Variants in ERBB4 observed in about 807,000 individuals in gnomAD.
ERBB4 encodes the protein receptor tyrosine-protein kinase erbB-4.
In ERBB4, 42 loss-of-function variants were observed where a neutral mutation model predicts 158.0. The ratio of observed to expected loss-of-function variants is 0.27; its 90% confidence interval spans 0.21 to 0.34. The LOEUF (loss-of-function observed/expected upper bound fraction) is 0.34, where lower values mean the gene tolerates loss of function less well. Ranked by LOEUF, ERBB4 falls within the 10% of genes least tolerant of loss-of-function variation. The pLI is 1.00. For missense variants in ERBB4, 1,333 were observed against 1,624.1 expected, an observed-to-expected ratio of 0.82 and a Z score of 3.08; for synonymous variants, 583 against 558.7, an observed-to-expected ratio of 1.04 and a Z score of -0.61.
intron 1 of ERBB4, among the ~76,000 whole-genome samples, chr2:212,127,638 G>T (rs1319297313): frequency 6.6e-6 from 1 of 152,078 alleles, no homozygotes. Flanking sequence ...TTTTGAATCA[G>T]CTATTGTTAG....
intron 3 of ERBB4, among the ~76,000 whole-genome samples, chr2:211,894,440 T>C (rs1482298032): frequency 9.3e-5 from 13 of 139,662 alleles, no homozygotes; most frequent in Admixed American, 1.4e-4. Context: ...AGGGATAGCA[T>C]TGGGAGATAT....
chr2:212,305,994 T>C (rs573102578), intron 1 of ERBB4, among the ~76,000 whole-genome samples: 10 of 151,460 alleles, frequency 6.6e-5, no homozygotes, highest in Non-Finnish European at 1.3e-4. Flanking sequence ...CTGCTAAACA[T>C]GTGAAATATT....
intron 1 of ERBB4, among the ~76,000 whole-genome samples, chr2:212,259,370 G>A (rs2084851341): frequency 6.6e-6 from 1 of 151,966 alleles, no homozygotes; most frequent in Admixed American, 6.6e-5. Flanking sequence ...GAAATTCCAG[G>A]TAAAGCCCAT....
intron 3 of ERBB4, among the ~76,000 whole-genome samples, chr2:211,911,585 T>G (rs895963242): frequency 1.3e-5 from 2 of 152,164 alleles, no homozygotes; most frequent in Admixed American, 1.3e-4. Context: ...CAATTTAGCG[T>G]ATCAATATTT....
chr2:212,062,419 TTTTTTTTTTTTTTTTTTG>T (rs2077806309), intron 2 of ERBB4, among the ~76,000 whole-genome samples: 3 of 86,696 alleles, frequency 3.5e-5, no homozygotes, highest in African/African-American at 1.2e-4. Flanking sequence ...TTTTTTTTTT[TTTTTTTTTTTTTTTTTTG>T]AGATGGAGTC....
chr2:211,867,744 T>G (rs2078245377), intron 3 of ERBB4, among the ~76,000 whole-genome samples: 1 of 152,180 alleles, frequency 6.6e-6, no homozygotes, highest in Non-Finnish European at 1.5e-5. Flanking sequence ...ATTTTATTTT[T>G]ATCAAATCAG....
rs756535963 is a variant in ERBB4 at position 211,772,267 on chromosome 2, T to C, written c.556+15758A>G. Among the ~76,000 whole-genome samples, 160 of 152,226 alleles carry C rather than the reference T, an allele frequency of 1.1e-3. 1 individual carries two copies. Among genetic ancestry groups the C allele is most frequent in the Non-Finnish European group, 2.0e-3 (137 of 68,018 alleles). ...TTTTCCCCTATTTTTGGAGAGTAGT[T>C]ATTAAATATTTATCAGCACGGCACT... On this transcript the variant is annotated intron_variant, in intron 4 of 27. Coordinates refer to ENST00000342788, the MANE Select transcript of ERBB4 (RefSeq NM_005235.3).
intron 1 of ERBB4, among the ~76,000 whole-genome samples, chr2:212,345,292 G>A (rs2088943551): frequency 9.6e-6 from 1 of 104,444 alleles, no homozygotes. Context: ...TAAACACATT[G>A]CCTAGCATGT....
intron 1 of ERBB4, among the ~76,000 whole-genome samples, chr2:212,387,920 C>T (rs1249648600): frequency 6.6e-6 from 1 of 151,988 alleles, no homozygotes; most frequent in Non-Finnish European, 1.5e-5. Flanking sequence ...GTATAATTAA[C>T]TAGGTGTGTA....
intron 18 of ERBB4, among the ~76,000 whole-genome samples, chr2:211,622,616 A>G (rs1362554763): frequency 6.6e-6 from 1 of 152,088 alleles, no homozygotes; most frequent in Non-Finnish European, 1.5e-5. Context: ...CTAAGATCCA[A>G]TTAACTTTAA....
chr2:211,632,445 T>C (rs1331309183), intron 16 of ERBB4, among the ~76,000 whole-genome samples: 1 of 152,114 alleles, frequency 6.6e-6, no homozygotes, highest in South Asian at 2.1e-4. Context: ...AATATTTATG[T>C]ATAATTGAGA....
chr2:212,536,469 C>T (rs1395457898), intron 1 of ERBB4, among the ~76,000 whole-genome samples: 2 of 152,152 alleles, frequency 1.3e-5, no homozygotes, highest in Non-Finnish European at 2.9e-5. Context: ...ACAAGTGAGG[C>T]TCGCCTTTGT....
In ERBB4 at chr2:212,093,612, T is replaced by C. The variant is rs984490625; in HGVS notation, c.234+31140A>G. The stretch of plus-strand genomic sequence containing the variant: ...AATCTTGGCTCTGCCATTAATAAAC[T>C]GTGAACTCTCAGCCAATTTATCCAA... On this transcript the variant is annotated intron_variant, in intron 2 of 27. Transcript: ENST00000342788. Among the ~76,000 whole-genome samples, 3 of 152,230 alleles carry C rather than the reference T, an allele frequency of 2.0e-5. No individual in the cohort carries two copies. The South Asian group carries it at 6.2e-4, about 32-fold the overall frequency.
intron 1 of ERBB4, among the ~76,000 whole-genome samples, chr2:212,327,863 G>GTTC (rs35786818): frequency 0.9 from 134,169 of 149,508 alleles, 60,533 homozygotes; most frequent in Middle Eastern, 0.97. Context: ...CCTCCAAAAA[G>GTTC]TTATTTTTTA....
At chr2:211,779,349 T>C (rs2075978167) in intron 4 of ERBB4, 1 of 152,220 alleles carries the variant, frequency 6.6e-6, no homozygotes, top group Non-Finnish European at 1.5e-5. Context: ...TATTATGTTG[T>C]AGCCCATTTC....
chr2:212,429,148 G>A (rs932708210), intron 1 of ERBB4: 2 of 152,254 alleles, frequency 1.3e-5, no homozygotes, highest in South Asian at 2.1e-4. Context: ...ATAGAACAAA[G>A]AGAAACTTAC....
At chr2:212,060,831 G>A (rs1210864575) in intron 2 of ERBB4, among the ~76,000 whole-genome samples, 1 of 150,254 alleles carries the variant, frequency 6.7e-6, no homozygotes, top group African/African-American at 2.4e-5. Flanking sequence ...GATGGGGGAG[G>A]GATACCATTA....
At position 212,113,813 on chromosome 2, in the gene ERBB4, T is replaced by G. The variant is rs114297169; in HGVS notation, c.234+10939A>C. Among the ~76,000 whole-genome samples, 688 of 152,208 alleles carry G rather than the reference T, an allele frequency of 4.5e-3. 3 individuals carry two copies. The highest frequency in any genetic ancestry group is 0.016 in the African/African-American group (654 of 41,534). On this transcript the variant is annotated intron_variant, in intron 2 of 27. Coordinates refer to ENST00000342788, the MANE Select transcript of ERBB4 (RefSeq NM_005235.3). ...TATCCCATGTTTCCATTATGGGTAG[T>G]ATATCATTTATTATTAACCAAATCA...
intron 2 of ERBB4, among the ~76,000 whole-genome samples, chr2:212,083,776 C>T (rs2078517382): frequency 6.6e-6 from 1 of 151,880 alleles, no homozygotes; most frequent in Non-Finnish European, 1.5e-5. Flanking sequence ...TAAATCTCAG[C>T]AGATCTATAA....
Sources: gnomAD v4.1 joint callset for allele counts (sites outside exome capture counted in the v4.1 genomes callset) on GRCh38, gnomAD v4.1.1 for gene constraint, MANE v1.5 for transcripts, NCBI Gene and HGNC (gene_info 2026-07-23, HGNC 2026-07-21) for gene names.